The following SDHAF4 variants were observed in gnomAD, a reference collection of about 807,000 sequenced individuals.
The protein encoded by SDHAF4 is succinate dehydrogenase assembly factor 4, mitochondrial.
In SDHAF4, 14 loss-of-function variants were observed where a neutral mutation model predicts 14.3. The ratio of observed to expected loss-of-function variants is 0.98; its 90% CI spans 0.65 to 1.53. The LOEUF is 1.53. Among genes scored for constraint, SDHAF4 ranks in the 40% most tolerant of loss-of-function variants. SDHAF4 has a pLI of 0.00. For missense variants in SDHAF4, 141 were observed against 129.3 expected, an observed-to-expected ratio of 1.09 and a Z score of -0.44; for synonymous variants, 63 against 47.3, an observed-to-expected ratio of 1.33 and a Z score of -1.36.
chr6:70,586,428 C>CTTTTTTTTTTT (rs70990316), intron 2 of SDHAF4, among the ~76,000 whole-genome samples: 4 of 80,302 alleles, frequency 5.0e-5, no homozygotes, highest in African/African-American at 1.0e-4. Flanking sequence ...ATTTGTTTGC[C>CTTTTTTTTTTT]TTTTTTTTTT....
chr6:70,579,623 A>T (rs1802296714), intron 2 of SDHAF4, 57 bp downstream of exon 2: 2 of 1,406,722 alleles, frequency 1.4e-6, no homozygotes, highest in Non-Finnish European at 1.9e-6. Flanking sequence ...TGTTTTAGTT[A>T]TTGAGAAAAT....
At chr6:70,587,120 G>A (rs1428251887) in intron 2 of SDHAF4, among the ~76,000 whole-genome samples, 5 of 151,370 alleles carry the variant, frequency 3.3e-5, no homozygotes, top group Non-Finnish European at 5.9e-5. Flanking sequence ...GCAGTGAGCC[G>A]AGATCATGCC....
Position 70,566,945 on chromosome 6 carries a change from C to G in SDHAF4, c.5C>G (p.Thr2Ser). The G allele has an allele frequency of 2.5e-6, 4 of 1,585,276 alleles. No homozygotes were observed. Among genetic ancestry groups the G allele is most frequent in the Non-Finnish European group, 3.4e-6 (4 of 1,165,812 alleles). MTPSRLPWLLSW... is the reference protein window; with the variant it reads MSPSRLPWLLSW... The stretch of plus-strand genomic sequence containing the variant: ...GAGGCTCGGGGAGTCGGCGCCATGA[C>G]CCCATCGAGGCTTCCCTGGTTGCTT... The change falls in exon 1 of 3, where the codon ACC becomes AGC. Residue 2 changes from threonine (T) to serine (S), a missense_variant. By Grantham distance (58) the Thr-to-Ser change is moderately conservative. Transcript: ENST00000370474.
intron 1 of SDHAF4, among the ~76,000 whole-genome samples, chr6:70,578,680 G>A (rs949118273): frequency 2.0e-5 from 3 of 152,082 alleles, no homozygotes; most frequent in Admixed American, 6.6e-5. Flanking sequence ...GAGTGTTTCC[G>A]AGGTTTTCTT....
chr6:70,577,190 C>T (rs946357103), intron 1 of SDHAF4, among the ~76,000 whole-genome samples: 6 of 152,140 alleles, frequency 3.9e-5, no homozygotes, highest in Admixed American at 3.3e-4. Context: ...CCTGGATAAC[C>T]TCCCTATTTT....
At chr6:70,583,055 A>G (rs1012847348) in intron 2 of SDHAF4, among the ~76,000 whole-genome samples, 8 of 152,244 alleles carry the variant, frequency 5.3e-5, no homozygotes, top group Admixed American at 3.9e-4. Flanking sequence ...GAGATACACA[A>G]AAAGATCAGA....
At chr6:70,584,007 A>G (rs1159517075) in intron 2 of SDHAF4, among the ~76,000 whole-genome samples, 1 of 146,866 alleles carries the variant, frequency 6.8e-6, no homozygotes, top group African/African-American at 2.6e-5. Flanking sequence ...TATACAGTTG[A>G]GTGAGGTTGT....
intron 1 of SDHAF4, among the ~76,000 whole-genome samples, chr6:70,574,787 G>A (rs1279235072): frequency 6.6e-6 from 1 of 152,066 alleles, no homozygotes. Context: ...AATTAGCTGG[G>A]CATGGTGTTG....
At chr6:70,573,170 CATTT>C (rs1802206834) in intron 1 of SDHAF4, among the ~76,000 whole-genome samples, 2 of 151,160 alleles carry the variant, frequency 1.3e-5, no homozygotes, top group Admixed American at 6.6e-5. Flanking sequence ...TATTTTTATT[CATTT>C]GTCTCTATGC....
At chr6:70,595,281 C>G in the SDHAF4 span, among the ~76,000 whole-genome samples, 1 of 152,198 alleles carries the variant, frequency 6.6e-6, no homozygotes, top group South Asian at 2.1e-4. Context: ...CTATAGAAGA[C>G]AGAATCCAGT....
chr6:70,572,425 T>C (rs1001082082), intron 1 of SDHAF4, among the ~76,000 whole-genome samples: 3 of 152,172 alleles, frequency 2.0e-5, no homozygotes, highest in Non-Finnish European at 2.9e-5. Flanking sequence ...TGAAAGTAGA[T>C]TTTAAATTTT....
At chr6:70,579,660 G>C in intron 2 of SDHAF4, 94 bp downstream of exon 2, 1 of 1,060,594 alleles carries the variant, frequency 9.4e-7, no homozygotes, top group Non-Finnish European at 1.3e-6. Flanking sequence ...ATTTGTTATT[G>C]CTTAAATTCT....
chr6:70,594,194 A>G (rs907622332), downstream of SDHAF4, among the ~76,000 whole-genome samples: 9 of 152,230 alleles, frequency 5.9e-5, no homozygotes, highest in African/African-American at 2.2e-4. Context: ...TGCTGGAATA[A>G]GTTAAGACCT....
intron 1 of SDHAF4, 130 bp from the exon 2 acceptor site, chr6:70,579,284 G>A (rs980592337): frequency 1.8e-5 from 13 of 708,442 alleles, no homozygotes; most frequent in South Asian, 1.1e-4. Context: ...TTCACTCTGC[G>A]TCCTTTTGTA....
chr6:70,580,084 A>G (rs185370167), intron 2 of SDHAF4, among the ~76,000 whole-genome samples: 3 of 152,244 alleles, frequency 2.0e-5, no homozygotes, highest in Admixed American at 6.5e-5. Context: ...ATATATGTGT[A>G]TATTATATGT....
At chr6:70,576,062 A>C (rs1489595759) in intron 1 of SDHAF4, among the ~76,000 whole-genome samples, 1 of 152,188 alleles carries the variant, frequency 6.6e-6, no homozygotes, top group African/African-American at 2.4e-5. Context: ...TTAGCTCCTC[A>C]TCTGACACGC....
Position 70,588,735 on chromosome 6 carries a change from CT to C in SDHAF4, c.*14del. ...TGTATTGATTTTTAAGTCGCATATT[CT>C]TTAACTTCAATATTGTTTTCTGAAT... On this transcript the variant is annotated 3_prime_UTR_variant, in exon 3 of 3. Transcript: ENST00000370474. 2 of 1,480,030 alleles carry C rather than the reference CT, an allele frequency of 1.4e-6. No individual in the cohort carries two copies. The highest frequency in any genetic ancestry group is 1.9e-6 in the Non-Finnish European group (2 of 1,068,648). The allele number at this position is 1,480,030 out of a possible 1,614,324, so 91.7% of individuals were successfully genotyped here. A position where few individuals can be genotyped will look rare whatever the true frequency, so the allele number is the denominator to read the frequency against.
chr6:70,575,742 ATT>A (rs1335516506), intron 1 of SDHAF4, among the ~76,000 whole-genome samples: 2 of 151,902 alleles, frequency 1.3e-5, no homozygotes, highest in African/African-American at 4.8e-5. Context: ...AGAGAGAGTC[ATT>A]CTTTTGCTTT....
At chr6:70,574,774 T>G (rs1215668134) in intron 1 of SDHAF4, among the ~76,000 whole-genome samples, 3 of 151,764 alleles carry the variant, frequency 2.0e-5, no homozygotes, top group Non-Finnish European at 2.9e-5. Context: ...CTACAAAAAA[T>G]AAAATTAGCT....
Sources: allele counts gnomAD v4.1 joint callset (sites outside exome capture counted in the v4.1 genomes callset), GRCh38; gene constraint gnomAD v4.1.1; transcripts MANE v1.5; gene names NCBI Gene and HGNC (gene_info 2026-07-23, HGNC 2026-07-21).